The following TMEM132D variants were observed in gnomAD, a reference collection of about 807,000 sequenced individuals.
TMEM132D encodes mature OL transmembrane protein.
A neutral mutation model predicts 62.3 loss-of-function variants in TMEM132D; 21 were observed. The observed-to-expected ratio is 0.34, with a 90% CI of 0.24 to 0.49. The LOEUF is 0.49. Ranked by LOEUF, TMEM132D falls within the 20% of genes least tolerant of loss-of-function variation. TMEM132D has a pLI of 0.99. For synonymous variants in TMEM132D, 621 were observed against 575.6 expected, an observed-to-expected ratio of 1.08 and a Z score of -1.13; for missense variants, 1,346 against 1,402.8, an observed-to-expected ratio of 0.96 and a Z score of 0.65.
chr12:129,084,153 G>A (rs980220213), intron 6 of TMEM132D, among the ~76,000 whole-genome samples: 6 of 152,124 alleles, frequency 3.9e-5, no homozygotes, highest in Non-Finnish European at 8.8e-5. Flanking sequence ...GGGGAGTCCA[G>A]CCAGCCACTC....
chr12:129,216,682 C>G (rs1293855001), intron 4 of TMEM132D, among the ~76,000 whole-genome samples: 1 of 152,186 alleles, frequency 6.6e-6, no homozygotes, highest in African/African-American at 2.4e-5. Context: ...CGTTGTGTTA[C>G]TTCATCACTT....
At position 129,312,680 on chromosome 12, in the gene TMEM132D, C is replaced by T. The variant is rs563716292; in HGVS notation, c.1299+24954G>A. On this transcript the variant is annotated intron_variant, in intron 4 of 8. Transcript: ENST00000422113. ...CGCCTCCCGGGTTCACTCCATTCTCCCTGCATCAGCCTCCTGAGTAGCTGG... is the reference window on the plus strand; with the variant it reads ...CGCCTCCCGGGTTCACTCCATTCTCTCTGCATCAGCCTCCTGAGTAGCTGG... Among the ~76,000 whole-genome samples the T allele has an allele frequency of 2.0e-5, 3 of 152,264 alleles. No homozygotes were observed. In the East Asian group the frequency reaches 5.8e-4, roughly 29 times the overall value.
At chr12:129,811,294 C>G (rs1033521464) in intron 1 of TMEM132D, among the ~76,000 whole-genome samples, 2 of 151,592 alleles carry the variant, frequency 1.3e-5, no homozygotes, top group Admixed American at 1.3e-4. Flanking sequence ...GGGGTGGGCT[C>G]GGTCCTGCCT....
intron 2 of TMEM132D, among the ~76,000 whole-genome samples, chr12:129,543,135 A>ATGGACAGC (rs1378928222): frequency 7.3e-6 from 1 of 137,050 alleles, no homozygotes; most frequent in East Asian, 2.3e-4. Flanking sequence ...GGATGGATGG[A>ATGGACAGC]TGGACAGCTG....
chr12:129,797,234 G>C (rs1871590581), intron 1 of TMEM132D, among the ~76,000 whole-genome samples: 1 of 152,130 alleles, frequency 6.6e-6, no homozygotes, highest in Non-Finnish European at 1.5e-5. Flanking sequence ...TCTTTCACTT[G>C]CCTGTCTCCC....
At chr12:129,870,681 G>T (rs1308966075) in intron 1 of TMEM132D, among the ~76,000 whole-genome samples, 1 of 152,146 alleles carries the variant, frequency 6.6e-6, no homozygotes, top group African/African-American at 2.4e-5. Flanking sequence ...GCTTCTGTGG[G>T]CTGCTTTATT....
intron 3 of TMEM132D, among the ~76,000 whole-genome samples, chr12:129,461,848 A>G (rs1873687652): frequency 6.6e-6 from 1 of 152,194 alleles, no homozygotes; most frequent in South Asian, 2.1e-4. Flanking sequence ...ATATGGGTAC[A>G]CACATGCATG....
At chr12:129,331,413 C>T (rs1304669590) in intron 4 of TMEM132D, among the ~76,000 whole-genome samples, 1 of 152,108 alleles carries the variant, frequency 6.6e-6, no homozygotes, top group Admixed American at 6.5e-5. Flanking sequence ...ATAATACAGA[C>T]ATTGTCTGTC....
rs945797217 is a variant in TMEM132D, at chr12:129,182,683, T to A, written c.1443+26837A>T. Reference sequence around the variant, plus strand: ...GATTTAAATGTTAATCTCATCTAAGTACACATCTTCCCAGAAATACTTGGG... The same window carrying A: ...GATTTAAATGTTAATCTCATCTAAGAACACATCTTCCCAGAAATACTTGGG... On this transcript the variant is annotated intron_variant, in intron 5 of 8. Transcript: ENST00000422113. 2.6e-5 allele frequency among the ~76,000 whole-genome samples: 4 copies of A among 152,368 alleles called. No homozygotes were observed. The East Asian group carries it at 7.7e-4, about 29-fold the overall frequency.
Position 129,724,314 on chromosome 12 carries a change from C to T in TMEM132D, c.80-23616G>A, listed in dbSNP as rs544417728. ...GATTTGAAGACGAATGCTACAGGTA[C>T]TGAAGATGGAAGAAAGAAACAGGAG... On this transcript the variant is annotated intron_variant, in intron 1 of 8. Coordinates refer to ENST00000422113, the MANE Select transcript of TMEM132D (RefSeq NM_133448.3). 7.2e-5 allele frequency among the ~76,000 whole-genome samples: 11 copies of T among 152,218 alleles called. No homozygotes were observed. In the South Asian group the frequency reaches 2.3e-3, roughly 32 times the overall value.
chr12:129,431,475 G>A (rs137945478), intron 3 of TMEM132D, among the ~76,000 whole-genome samples: 207 of 152,246 alleles, frequency 1.4e-3, no homozygotes, highest in African/African-American at 4.7e-3. Context: ...CTATGCACAC[G>A]GGATGCCTTT....
intron 3 of TMEM132D, among the ~76,000 whole-genome samples, chr12:129,491,504 C>T (rs553649749): frequency 1.3e-5 from 2 of 152,312 alleles, no homozygotes; most frequent in South Asian, 4.1e-4. Context: ...TGCCAACCAG[C>T]TTCCCCCGGT....
intron 1 of TMEM132D, among the ~76,000 whole-genome samples, chr12:129,710,284 T>TTTTA (rs147677573): frequency 0.029 from 4,423 of 151,696 alleles, 210 homozygotes; most frequent in African/African-American, 0.099. Context: ...CATTATTAAT[T>TTTTA]TTTATTTATT....
At chr12:129,821,443 G>A (rs1168622091) in intron 1 of TMEM132D, among the ~76,000 whole-genome samples, 1 of 152,138 alleles carries the variant, frequency 6.6e-6, no homozygotes, top group Non-Finnish European at 1.5e-5. Flanking sequence ...TCAGAAAACA[G>A]GCCAATGGAA....
At chr12:129,698,414 A>G (rs929975805) in intron 2 of TMEM132D, among the ~76,000 whole-genome samples, 2 of 150,436 alleles carry the variant, frequency 1.3e-5, no homozygotes, top group African/African-American at 4.9e-5. Flanking sequence ...TAAAATAGGC[A>G]TTTCTAATAC....
chr12:129,176,826 T>C (rs936895127), intron 5 of TMEM132D, among the ~76,000 whole-genome samples: 1 of 152,250 alleles, frequency 6.6e-6, no homozygotes, highest in African/African-American at 2.4e-5. Context: ...GTCCCTGGCA[T>C]GTGCCATGGG....
intron 2 of TMEM132D, among the ~76,000 whole-genome samples, chr12:129,536,936 C>A (rs1305447847): frequency 2.0e-5 from 3 of 152,086 alleles, no homozygotes; most frequent in Non-Finnish European, 2.9e-5. Flanking sequence ...GTGGGAAGAT[C>A]ACCTGAGGCC....
At chr12:129,444,947 AACT>A (rs1432668967) in intron 3 of TMEM132D, among the ~76,000 whole-genome samples, 1 of 152,226 alleles carries the variant, frequency 6.6e-6, no homozygotes, top group Non-Finnish European at 1.5e-5. Flanking sequence ...CTACAAACAA[AACT>A]ACTATTTGAC....
At chr12:129,407,730 C>A (rs775239175) in intron 3 of TMEM132D, among the ~76,000 whole-genome samples, 1 of 151,648 alleles carries the variant, frequency 6.6e-6, no homozygotes, top group Non-Finnish European at 1.5e-5. Context: ...CACGGTGAAA[C>A]CCTGTCTCTA....
Sources: gnomAD v4.1 joint callset for allele counts (sites outside exome capture counted in the v4.1 genomes callset) on GRCh38, gnomAD v4.1.1 for gene constraint, MANE v1.5 for transcripts, NCBI Gene and HGNC (gene_info 2026-07-23, HGNC 2026-07-21) for gene names.